The following MATN2 variants were observed in gnomAD, a reference collection of about 807,000 sequenced individuals.
MATN2 encodes matrilin-2.
Under a neutral mutation model 103.2 loss-of-function variants are expected in MATN2, and 69 were observed. That is an observed-to-expected ratio of 0.67 (90% CI 0.55 to 0.82). MATN2 has a LOEUF of 0.82. Among genes scored for constraint, MATN2 ranks in the 40% least tolerant of loss-of-function variants. The pLI, the probability that MATN2 is intolerant of heterozygous loss-of-function variation, is 0.00. For synonymous variants in MATN2, 429 were observed against 450.2 expected, an observed-to-expected ratio of 0.95 and a Z score of 0.60; for missense variants, 1,023 against 1,211.5, an observed-to-expected ratio of 0.84 and a Z score of 2.31.
intron 1 of MATN2, among the ~76,000 whole-genome samples, chr8:97,871,176 C>T (rs1248872032): frequency 2.6e-5 from 4 of 152,080 alleles, no homozygotes; most frequent in Non-Finnish European, 5.9e-5. Context: ...AAAAGTGTGG[C>T]CTGAGATTTA....
intron 2 of MATN2, among the ~76,000 whole-genome samples, chr8:97,902,532 A>G (rs1461488430): frequency 6.6e-6 from 1 of 151,918 alleles, no homozygotes; most frequent in Non-Finnish European, 1.5e-5. Context: ...AAGACAAAGA[A>G]AAAAAGCAAA....
chr8:97,881,073 T>G (rs1436008623), intron 1 of MATN2, among the ~76,000 whole-genome samples: 2 of 152,200 alleles, frequency 1.3e-5, no homozygotes, highest in Non-Finnish European at 2.9e-5. Context: ...GATGATACTG[T>G]GAAAAATGCC....
intron 7 of MATN2, among the ~76,000 whole-genome samples, chr8:97,996,985 A>G (rs1387865094): frequency 2.0e-5 from 3 of 152,258 alleles, no homozygotes; most frequent in Admixed American, 6.5e-5. Flanking sequence ...GCAGAATCCT[A>G]CTGAAGAAAA....
At chr8:97,994,648 T>C in intron 7 of MATN2, 46 bp downstream of exon 7, 1 of 1,576,800 alleles carries the variant, frequency 6.3e-7, no homozygotes. Flanking sequence ...TGCTAAATGC[T>C]CCTCTAGTTA....
chr8:97,911,172 C>T (rs115665064), intron 2 of MATN2, among the ~76,000 whole-genome samples: 2,720 of 145,914 alleles, frequency 0.019, 90 homozygotes, highest in African/African-American at 0.064. Flanking sequence ...TTTGTATTTT[C>T]GGTAGAGACG....
intron 2 of MATN2, among the ~76,000 whole-genome samples, chr8:97,903,319 G>A (rs796717145): frequency 2.0e-4 from 31 of 152,294 alleles, no homozygotes; most frequent in African/African-American, 4.8e-4. Context: ...TAATGCCAGG[G>A]TAAAGATAAG....
rs139577705 is a variant in MATN2 at position 97,998,111 on chromosome 8, C to T, written c.1204+3509C>T. On this transcript the variant is annotated intron_variant, in intron 7 of 18. Transcript: ENST00000254898. ...CTGGGATTACAGGCATGAGCCACCA[C>T]GCCCAGCCGAAAAGGGTGGTATTTG... 5.4e-3 allele frequency among the ~76,000 whole-genome samples: 824 copies of T among 151,478 alleles called. 3 individuals carry two copies. Among genetic ancestry groups the T allele is most frequent in the Admixed American group, 0.012 (187 of 15,200 alleles).
At chr8:97,923,918 A>G (rs972616025) in intron 2 of MATN2, among the ~76,000 whole-genome samples, 1 of 152,164 alleles carries the variant, frequency 6.6e-6, no homozygotes, top group African/African-American at 2.4e-5. Context: ...TATTCCTGCC[A>G]TAATTTCAGT....
Position 98,033,609 on chromosome 8 carries a change from T to TGC in MATN2, c.2765_2766insGC (p.Ile922MetfsTer12), listed in dbSNP as rs772733788. 1 of 1,607,544 alleles carries TGC rather than the reference T, an allele frequency of 6.2e-7. No individual in the cohort carries two copies. Among genetic ancestry groups the TGC allele is most frequent in the Non-Finnish European group, 8.5e-7 (1 of 1,177,138 alleles). Reference sequence around the variant, plus strand: ...GATCAATGCAAATGTGAAAACCTTATAATGTTCCAGAACCTTGCAAACGAA... The same window carrying TGC: ...GATCAATGCAAATGTGAAAACCTTATGCAATGTTCCAGAACCTTGCAAACGAA... On this transcript the variant is annotated frameshift_variant, in exon 18 of 19. Coordinates refer to ENST00000254898, the MANE Select transcript of MATN2 (RefSeq NM_002380.5). LOFTEE classifies it high-confidence loss of function.
At chr8:98,032,891 C>A in intron 16 of MATN2, 151 bp from the exon 17 acceptor site, 1 of 573,346 alleles carries the variant, frequency 1.7e-6, no homozygotes, top group Non-Finnish European at 2.8e-6. Flanking sequence ...ATGTTTACTC[C>A]ACTGAAGATA....
intron 1 of MATN2, among the ~76,000 whole-genome samples, chr8:97,885,808 G>C (rs564541881): frequency 6.6e-6 from 1 of 152,186 alleles, no homozygotes; most frequent in South Asian, 2.1e-4. Flanking sequence ...CAAAAAAAGA[G>C]TTTAAATGGT....
At chr8:97,969,772 G>T (rs1811597247) in intron 5 of MATN2, among the ~76,000 whole-genome samples, 1 of 152,202 alleles carries the variant, frequency 6.6e-6, no homozygotes, top group Non-Finnish European at 1.5e-5. Flanking sequence ...TCAGAACTCT[G>T]CCAGGGACTT....
At chr8:98,026,886 T>C (rs1813827319) in intron 13 of MATN2, among the ~76,000 whole-genome samples, 1 of 152,172 alleles carries the variant, frequency 6.6e-6, no homozygotes, top group Admixed American at 6.5e-5. Context: ...ACAAAGCAGG[T>C]CCTCAATAAA....
chr8:97,969,889 T>A (rs1811600790), intron 5 of MATN2, among the ~76,000 whole-genome samples: 2 of 152,152 alleles, frequency 1.3e-5, no homozygotes, highest in African/African-American at 4.8e-5. Flanking sequence ...GACAAGAAAG[T>A]GTGGGCAGCA....
intron 6 of MATN2, among the ~76,000 whole-genome samples, chr8:97,985,569 A>T (rs541119557): frequency 3.1e-4 from 47 of 152,176 alleles, no homozygotes; most frequent in Non-Finnish European, 6.2e-4. Flanking sequence ...CATGGCAACT[A>T]GTTTCACAAA....
intron 1 of MATN2, 133 bp from the exon 2 acceptor site, chr8:97,887,942 A>C: frequency 1.2e-6 from 1 of 805,422 alleles, no homozygotes; most frequent in African/African-American, 1.8e-5. Context: ...AAGGCCAAAC[A>C]CACAAACGGC....
rs774174176 is a variant in MATN2, at chr8:98,033,589, A to G, written c.2745A>G (p.Gln915=). Residue 915 remains glutamine, a synonymous_variant, in exon 18 of 19, where the codon CAA becomes CAG. Transcript: ENST00000254898. ...GCCCTTTGGAAGAAAAACACGATCA[A>G]TGCAAATGTGAAAACCTTATAATGT... ...SGSPLEEKHD[Q]CKCENLIMFQ... 9 of 1,604,224 alleles carry G rather than the reference A, an allele frequency of 5.6e-6. No homozygotes were observed. Among genetic ancestry groups the G allele is most frequent in the Admixed American group, 1.7e-5 (1 of 58,410 alleles).
chr8:98,009,831 G>A (rs1813098288), intron 10 of MATN2, among the ~76,000 whole-genome samples: 1 of 152,186 alleles, frequency 6.6e-6, no homozygotes, highest in African/African-American at 2.4e-5. Flanking sequence ...CCTTGTGCAA[G>A]GGCATCCCAG....
rs1407180058 is a variant in MATN2 at position 97,982,684 on chromosome 8, T to G, written c.1081+3676T>G. On this transcript the variant is annotated intron_variant, in intron 6 of 18. Coordinates refer to ENST00000254898, the MANE Select transcript of MATN2 (RefSeq NM_002380.5). The surrounding 1 kb of genome is among the most constrained non-coding windows in gnomAD (Gnocchi z 4.3). ...ATAATTTGAAATATGTAAGTGGTGT[T>G]CAAAAAAGCACCACCTTTATATCAA... is the stretch of plus-strand genomic sequence containing the variant. Among the ~76,000 whole-genome samples, 1 of 152,158 alleles carries G rather than the reference T, an allele frequency of 6.6e-6. No individual in the cohort carries two copies. Among genetic ancestry groups the G allele is most frequent in the Non-Finnish European group, 1.5e-5 (1 of 68,034 alleles).
Sources: allele counts gnomAD v4.1 joint callset (sites outside exome capture counted in the v4.1 genomes callset), GRCh38; gene constraint gnomAD v4.1.1; non-coding constraint Gnocchi (gnomAD v3.1); transcripts MANE v1.5; gene names NCBI Gene and HGNC (gene_info 2026-07-23, HGNC 2026-07-21).